The following DECR2 variants were observed in gnomAD, a reference collection of about 807,000 sequenced individuals.
DECR2 encodes 2,4-dienoyl-CoA reductase 2, also known as peroxisomal 2,4-dienoyl-CoA reductase [(3E)-enoyl-CoA-producing].
Under a neutral mutation model 29.2 loss-of-function variants are expected in DECR2, and 34 were observed. The observed-to-expected ratio is 1.16, with a 90% CI of 0.89 to 1.55. The LOEUF (loss-of-function observed/expected upper bound fraction) is 1.55, where lower values mean the gene tolerates loss of function less well. Among genes scored for constraint, DECR2 ranks in the 40% most tolerant of loss-of-function variants. DECR2 has a pLI of 0.00. For missense variants in DECR2, 485 were observed against 425.3 expected (o/e 1.14, Z -1.23); for synonymous variants, 224 against 182.7 (o/e 1.23, Z -1.82).
At chr16:407,955 A>C (rs77244931) in intron 4 of DECR2, among the ~76,000 whole-genome samples, 2 of 25,646 alleles carry the variant, frequency 7.8e-5, no homozygotes, top group Non-Finnish European at 1.4e-4. Context: ...CCCTGTCTCC[A>C]GGCCTCTGTC....
intron 1 of DECR2, among the ~76,000 whole-genome samples, chr16:403,713 A>G (rs2054693332): frequency 6.6e-6 from 1 of 152,192 alleles, no homozygotes; most frequent in Non-Finnish European, 1.5e-5. Flanking sequence ...CCTCTCTAGA[A>G]AAACTAGATG....
intron 1 of DECR2, chr16:403,050 AG>A: frequency 1.0e-6 from 1 of 984,524 alleles, no homozygotes; most frequent in South Asian, 4.7e-5. Context: ...AGTGTTCTGC[AG>A]GAAAAAAAAA....
At position 410,674 on chromosome 16, in the gene DECR2, G is replaced by C; in HGVS notation, c.463-17G>C. 6.3e-7 allele frequency: 1 copy of C among 1,594,904 alleles called. No individual in the cohort carries two copies. Among genetic ancestry groups the C allele is most frequent in the Non-Finnish European group, 8.5e-7 (1 of 1,172,580 alleles). ...CGACACCCGCCCGCTCACTGCCCCG[G>C]GCCTTGTGTGTTGCAGGACCACGGA... On this transcript the variant is annotated splice_polypyrimidine_tract_variant and intron_variant, in intron 5 of 8. Transcript: ENST00000219481. This position sits in a 1 kb window ranked among gnomAD's most constrained non-coding sequence, Gnocchi z 4.1.
In DECR2 at chr16:411,414, C is replaced by G; in HGVS notation, c.715C>G (p.Leu239Val). Residue 239 changes from leucine (L) to valine (V), a missense_variant, in exon 8 of 9, where the codon CTG (leucine) becomes GTG (valine). Coordinates refer to ENST00000219481, the MANE Select transcript of DECR2 (RefSeq NM_020664.4). ...GGTCACTGCCAGCCCGCTGCAGAGG[C>G]TGGGGAACAAGACCGAGATCGCCCA... ...TKVTASPLQR[L>V]GNKTEIAHSV... 6.2e-7 allele frequency: 1 copy of G among 1,613,066 alleles called. No homozygotes were observed. The highest frequency in any genetic ancestry group is 8.5e-7 in the Non-Finnish European group (1 of 1,179,980).
chr16:405,275 G>T, intron 2 of DECR2: 1 of 599,136 alleles, frequency 1.7e-6, no homozygotes, highest in Non-Finnish European at 2.9e-6. Flanking sequence ...GACCTCGAGA[G>T]TCAGGGCTGT....
chr16:411,262 C>A, intron 7 of DECR2, 99 bp from the exon 8 acceptor site: 1 of 1,312,510 alleles, frequency 7.6e-7, no homozygotes, highest in Non-Finnish European at 1.0e-6. Context: ...TGACTGTGTC[C>A]TTGCTGTTCC....
rs370736528 is a variant in DECR2, at chr16:410,737, G to A, written c.509G>A (p.Arg170Gln). 37 of 1,607,600 alleles carry A rather than the reference G, an allele frequency of 2.3e-5. No homozygotes were observed. The highest frequency in any genetic ancestry group is 2.0e-4 in the Middle Eastern group (1 of 4,958). The change falls in exon 6 of 9, where the codon CGG (arginine) becomes CAG (glutamine). Residue 170 changes from arginine (R) to glutamine (Q), a missense_variant. Transcript: ENST00000219481. This position sits in a 1 kb window ranked among gnomAD's most constrained non-coding sequence, Gnocchi z 4.1. ...IVNITATLGN[R>Q]GQALQVHAGS... Reference sequence around the variant, plus strand: ...AACATCACTGCCACCCTGGGGAACCGGGGGCAGGCGCTCCAGGTGCATGCA... The same window carrying A: ...AACATCACTGCCACCCTGGGGAACCAGGGGCAGGCGCTCCAGGTGCATGCA...
intron 4 of DECR2, chr16:409,941 A>G (rs572289868): frequency 1.6e-4 from 65 of 406,718 alleles, no homozygotes; most frequent in African/African-American, 1.2e-3. Context: ...GCTCACCCTA[A>G]TTCGTTGTGA....
rs549347791 is a variant in DECR2, at chr16:409,801, G to A, written c.338-442G>A. 1.0e-4 allele frequency: 16 copies of A among 159,306 alleles called. No individual in the cohort carries two copies. The South Asian group carries it at 2.5e-3, about 25-fold the overall frequency. 9.9% of individuals were successfully genotyped at this position (159,306 alleles called of 1,614,324 possible). A position where few individuals can be genotyped will look rare whatever the true frequency, so the allele number is the denominator to read the frequency against. On this transcript the variant is annotated intron_variant, in intron 4 of 8. Transcript: ENST00000219481. ...CTCTTCCTGCCTTCTGCGTGGCTTC[G>A]GGTACTGCCATAGCCCTTGGCCCTC...
At chr16:405,664 A>T in intron 2 of DECR2, 4 of 1,244,382 alleles carry the variant, frequency 3.2e-6, no homozygotes, top group Non-Finnish European at 4.3e-6. Flanking sequence ...TGTCTGTGTC[A>T]GGTGATTTTA....
At chr16:408,318 G>GT (rs2054767948) in intron 4 of DECR2, among the ~76,000 whole-genome samples, 1 of 148,432 alleles carries the variant, frequency 6.7e-6, no homozygotes, top group African/African-American at 2.5e-5. Flanking sequence ...TCTGTCTCTG[G>GT]CCCTCTGTCT....
rs1567341705 is a variant in DECR2, at chr16:410,170, C to G, written c.338-73C>G. The G allele has an allele frequency of 6.4e-7, 1 of 1,564,148 alleles. No homozygotes were observed. The highest frequency in any genetic ancestry group is 1.8e-5 in the Admixed American group (1 of 54,478). On this transcript the variant is annotated intron_variant, in intron 4 of 8. Coordinates refer to ENST00000219481, the MANE Select transcript of DECR2 (RefSeq NM_020664.4). The surrounding 1 kb of genome is among the most constrained non-coding windows in gnomAD (Gnocchi z 4.1). ...GCTCCCTCCTGCACCCTCCGCTCTG[C>G]CCACCTGGCCACCACCCACTTGGCA...
intron 4 of DECR2, among the ~76,000 whole-genome samples, chr16:408,630 C>T (rs775300202): frequency 2.7e-4 from 41 of 151,770 alleles, no homozygotes; most frequent in Non-Finnish European, 4.9e-4. Context: ...GCCCCAGCCT[C>T]CTGAGGAGCT....
At chr16:407,704 C>G (rs1303541831) in intron 4 of DECR2, 144 bp downstream of exon 4, 61 of 1,350,970 alleles carry the variant, frequency 4.5e-5, no homozygotes, top group Non-Finnish European at 6.0e-5. Flanking sequence ...ATCCAGGTAC[C>G]TGAGGCCAAG....
rs1181655642 is a variant in DECR2, at chr16:412,413, T to TA, written c.*529dup. On this transcript the variant is annotated 3_prime_UTR_variant, in exon 9 of 9. Coordinates refer to ENST00000219481, the MANE Select transcript of DECR2 (RefSeq NM_020664.4). ...TTCTTAAAAGATAATCTATTTACTG[T>TA]AAAAATAAATTGGACTTTGCAAAAG... The TA allele has an allele frequency of 6.6e-6, 1 of 152,196 alleles. No individual in the cohort carries two copies. The highest frequency in any genetic ancestry group is 6.5e-5 in the Admixed American group (1 of 15,276). The allele number at this position is 152,196 out of a possible 1,614,324, so 9.4% of individuals were successfully genotyped here. A position where few individuals can be genotyped will look rare whatever the true frequency, so the allele number is the denominator to read the frequency against.
chr16:405,208 C>T, intron 2 of DECR2, 184 bp downstream of exon 2: 1 of 681,228 alleles, frequency 1.5e-6, no homozygotes, highest in East Asian at 2.7e-5. Flanking sequence ...GGAGTCAGGA[C>T]TTCAAGGCCC....
At chr16:407,635 C>G (rs930781892) in intron 4 of DECR2, 75 bp downstream of exon 4, 8 of 1,582,226 alleles carry the variant, frequency 5.1e-6, no homozygotes, top group Non-Finnish European at 6.9e-6. Context: ...GAACTCTGGT[C>G]ATGGGGTGGG....
At chr16:407,355 C>T (rs2054737657) in intron 3 of DECR2, 70 bp from the exon 4 acceptor site, 1 of 1,526,710 alleles carries the variant, frequency 6.6e-7, no homozygotes. Context: ...TCGTCCTCTG[C>T]AGATTCCAAA....
chr16:405,195 G>T (rs890588034), intron 2 of DECR2, 171 bp downstream of exon 2: 3 of 745,710 alleles, frequency 4.0e-6, no homozygotes, highest in Admixed American at 5.5e-5. Flanking sequence ...GATTGCCCTG[G>T]GGGGAGTCAG....
Sources: allele counts gnomAD v4.1 joint callset (sites outside exome capture counted in the v4.1 genomes callset), GRCh38; gene constraint gnomAD v4.1.1; non-coding constraint Gnocchi (gnomAD v3.1); transcripts MANE v1.5; gene names NCBI Gene and HGNC (gene_info 2026-07-23, HGNC 2026-07-21).